Variants in ESPL1 observed in about 807,000 individuals in gnomAD.
ESPL1 encodes the protein separin.
In ESPL1, 50 loss-of-function variants were observed where a neutral mutation model predicts 217.2. The ratio of observed to expected loss-of-function variants is 0.23; its 90% confidence interval spans 0.18 to 0.29. The LOEUF (loss-of-function observed/expected upper bound fraction) is 0.29, where lower values mean the gene tolerates loss of function less well. Among genes scored for constraint, ESPL1 ranks in the 10% least tolerant of loss-of-function variants. ESPL1 has a pLI of 1.00. For missense variants in ESPL1, 1,834 were observed against 2,603.0 expected, an observed-to-expected ratio of 0.70 and a Z score of 6.43; for synonymous variants, 994 against 1,081.3, an observed-to-expected ratio of 0.92 and a Z score of 1.58.
chr12:53,280,234 C>A (rs532625766), intron 12 of ESPL1, among the ~76,000 whole-genome samples: 1 of 152,304 alleles, frequency 6.6e-6, no homozygotes, highest in East Asian at 1.9e-4. Flanking sequence ...TTCTTAACGA[C>A]CACTGGTAGG....
Position 53,276,809 on chromosome 12 carries a change from A to G in ESPL1, c.1890A>G (p.Val630=), listed in dbSNP as rs779803929. ...AGAWARATHL[V]ELAQVLCYHD... is the part of the protein sequence containing the mutation. ...CCTGGGCACGAGCCACCCACCTGGT[A>G]GAACTGGCTCAGGTGCTCTGCTACC... The change falls in exon 8 of 31, where the codon GTA becomes GTG. Residue 630 remains valine, a synonymous_variant. Transcript: ENST00000257934. 2.5e-6 allele frequency: 4 copies of G among 1,613,944 alleles called. No homozygotes were observed. The South Asian group carries it at 4.4e-5, about 18-fold the overall frequency.
At chr12:53,270,253 C>A in intron 3 of ESPL1, 125 bp from the exon 4 acceptor site, 2 of 936,814 alleles carry the variant, frequency 2.1e-6, no homozygotes, top group Non-Finnish European at 3.4e-6. Flanking sequence ...AGGGCAGTGG[C>A]CCTTCTGGAT....
chr12:53,277,988 C>T, intron 11 of ESPL1, 28 bp downstream of exon 11: 1 of 1,607,858 alleles, frequency 6.2e-7, no homozygotes, highest in African/African-American at 1.3e-5. Flanking sequence ...TGAGGGGGAC[C>T]CATATAAACA....
chr12:53,288,726 C>T (rs1209584645), intron 20 of ESPL1, 27 bp downstream of exon 20: 1 of 1,594,458 alleles, frequency 6.3e-7, no homozygotes, highest in South Asian at 1.1e-5. Flanking sequence ...TGATGTTGGT[C>T]ACTTGGAGAG....
At chr12:53,289,773 CT>C (rs1944019744) in intron 22 of ESPL1, 179 bp downstream of exon 22, 1 of 628,544 alleles carries the variant, frequency 1.6e-6, no homozygotes, top group African/African-American at 1.8e-5. Flanking sequence ...TAAACCTCAA[CT>C]TTGAATTACC....
chr12:53,282,415 G>T lies in ESPL1; in HGVS notation c.2771G>T (p.Trp924Leu). The T allele has an allele frequency of 6.2e-7, 1 of 1,614,126 alleles. No homozygotes were observed. Among genetic ancestry groups the T allele is most frequent in the Non-Finnish European group, 8.5e-7 (1 of 1,180,020 alleles). ...TCAAACAACCTCTCACACTCCCTGT[G>T]GGAGCAGCTCTGTGCCCAAGGTGAA... ...LPSNNLSHSL[W>L]EQLCAQGWQT... is the part of the protein sequence containing the mutation. Residue 924 changes from tryptophan to leucine, a missense_variant, in exon 14 of 31, where the codon TGG becomes TTG. Physicochemically the swap from Trp to Leu is moderately conservative, Grantham distance 61 (BLOSUM62 -2). Transcript: ENST00000257934. This position sits in a 1 kb window ranked among gnomAD's most constrained non-coding sequence, Gnocchi z 4.0.
rs1943628483 is a variant in ESPL1, at chr12:53,269,444, C to G, written c.502C>G (p.Arg168Gly). The G allele has an allele frequency of 6.2e-7, 1 of 1,614,056 alleles. No individual in the cohort carries two copies. The highest frequency in any genetic ancestry group is 8.5e-7 in the Non-Finnish European group (1 of 1,180,014). ...GGAACGGCGAGCTGCATTTGCAGCT[C>G]GGCTGAAGGCCTTGAGCTTCCTAGT... ...LLERRAAFAA[R>G]LKALSFLVLL... Residue 168 changes from arginine (R) to glycine (G), a missense_variant, in exon 3 of 31, where the codon CGG (arginine) becomes GGG (glycine). This residue lies in a region of ESPL1 where 746 missense variants were observed against 1,077.0 expected (regional missense o/e 0.69). Coordinates refer to ENST00000257934, the MANE Select transcript of ESPL1 (RefSeq NM_012291.5). The surrounding 1 kb of genome is among the most constrained non-coding windows in gnomAD (Gnocchi z 6.7).
intron 18 of ESPL1, 103 bp downstream of exon 18, chr12:53,287,015 G>C: frequency 8.7e-7 from 1 of 1,149,692 alleles, no homozygotes; most frequent in Non-Finnish European, 1.2e-6. Context: ...TAGCTCCCCA[G>C]GGCCTAGTGG....
In ESPL1 at chr12:53,286,854, G is replaced by C; in HGVS notation, c.4118G>C (p.Ser1373Thr). Residue 1373 changes from serine to threonine, a missense_variant, in exon 18 of 31, where the codon AGC becomes ACC. Physicochemically the swap from Ser to Thr is moderately conservative, Grantham distance 58. This residue lies in a region of ESPL1 where 681 missense variants were observed against 808.0 expected (regional missense o/e 0.84). Coordinates refer to ENST00000257934, the MANE Select transcript of ESPL1 (RefSeq NM_012291.5). The surrounding 1 kb of genome is among the most constrained non-coding windows in gnomAD (Gnocchi z 5.3). ...TVFEEVCPTE[S>T]KPEVPQAPRV... ...TTTGAGGAAGTCTGCCCTACAGAGAGCAAGCCTGAAGTACCCCAGGCCCCC... is the reference window on the plus strand; with the variant it reads ...TTTGAGGAAGTCTGCCCTACAGAGACCAAGCCTGAAGTACCCCAGGCCCCC... 1 of 1,613,854 alleles carries C rather than the reference G, an allele frequency of 6.2e-7. No homozygotes were observed. The highest frequency in any genetic ancestry group is 2.2e-5 in the East Asian group (1 of 44,876).
Position 53,276,873 on chromosome 12 carries a change from G to C in ESPL1, c.1940+14G>C. On this transcript the variant is annotated intron_variant, in intron 8 of 30. Coordinates refer to ENST00000257934, the MANE Select transcript of ESPL1 (RefSeq NM_012291.5). ...GCAGACCAACTGGTAAGGAGTAGTA[G>C]CTGCAGAGGCCACTCTTGCTCCTTG... The C allele has an allele frequency of 6.2e-7, 1 of 1,612,252 alleles. No individual in the cohort carries two copies. Among genetic ancestry groups the C allele is most frequent in the Non-Finnish European group, 8.5e-7 (1 of 1,179,078 alleles).
rs1458243427 is a variant in ESPL1, at chr12:53,270,807, C to T, written c.1369+9C>T. 7 of 1,613,940 alleles carry T rather than the reference C, an allele frequency of 4.3e-6. No individual in the cohort carries two copies. Among genetic ancestry groups the T allele is most frequent in the African/African-American group, 1.3e-5 (1 of 75,048 alleles). Reference sequence around the variant, plus strand: ...CCACATGGGGATGACCGGTTAGTGCCCTGGGTCCCAGGCACAGAGTTTGTG... The same window carrying T: ...CCACATGGGGATGACCGGTTAGTGCTCTGGGTCCCAGGCACAGAGTTTGTG... On this transcript the variant is annotated intron_variant, in intron 5 of 30. Transcript: ENST00000257934.
At position 53,290,229 on chromosome 12, in the gene ESPL1, A is replaced by G. The variant is rs769641528; in HGVS notation, c.5241+17A>G. 1 of 1,613,652 alleles carries G rather than the reference A, an allele frequency of 6.2e-7. No individual in the cohort carries two copies. Among genetic ancestry groups the G allele is most frequent in the East Asian group, 2.2e-5 (1 of 44,888 alleles). ...CAGAACAAGGTAGGATTCCTGGGCC[A>G]TGGAGCAAAGTTGGGCTGGATTGGG... On this transcript the variant is annotated intron_variant, in intron 23 of 30. Coordinates refer to ENST00000257934, the MANE Select transcript of ESPL1 (RefSeq NM_012291.5).
At position 53,290,923 on chromosome 12, in the gene ESPL1, C is replaced by T; in HGVS notation, c.5447C>T (p.Ala1816Val). Residue 1816 changes from alanine (A) to valine (V), a missense_variant, in exon 25 of 31, where the codon GCC (alanine) becomes GTC (valine). Coordinates refer to ENST00000257934, the MANE Select transcript of ESPL1 (RefSeq NM_012291.5). ...LLPSSEEPGP[A>V]QEASRLQELL... is the part of the protein sequence containing the mutation. Reference sequence around the variant, plus strand: ...CCGTCCAGTGAGGAGCCCGGCCCTGCCCAGGAGGCCTCCCGCCTACAGGAG... The same window carrying T: ...CCGTCCAGTGAGGAGCCCGGCCCTGTCCAGGAGGCCTCCCGCCTACAGGAG... 1 of 1,606,574 alleles carries T rather than the reference C, an allele frequency of 6.2e-7. No homozygotes were observed. Among genetic ancestry groups the T allele is most frequent in the Non-Finnish European group, 8.5e-7 (1 of 1,176,798 alleles).
chr12:53,290,046 T>C (rs752605035), intron 22 of ESPL1, 39 bp from the exon 23 acceptor site: 3 of 1,598,760 alleles, frequency 1.9e-6, no homozygotes, highest in Non-Finnish European at 1.7e-6. Flanking sequence ...GGGAATTCCT[T>C]TAACAGCTGA....
chr12:53,280,011 T>G, intron 12 of ESPL1, 145 bp downstream of exon 12: 1 of 913,548 alleles, frequency 1.1e-6, no homozygotes, highest in Non-Finnish European at 1.6e-6. Flanking sequence ...TGTGGAGCAG[T>G]TGGAGGCAGC....
intron 6 of ESPL1, 145 bp from the exon 7 acceptor site, chr12:53,274,672 T>C (rs1421907547): frequency 1.6e-6 from 1 of 628,886 alleles, no homozygotes; most frequent in African/African-American, 1.9e-5. Flanking sequence ...AGGTGTCTCC[T>C]GCCTTGGGTG....
At chr12:53,270,339 T>C in intron 3 of ESPL1, 39 bp from the exon 4 acceptor site, 1 of 1,423,292 alleles carries the variant, frequency 7.0e-7, no homozygotes, top group Non-Finnish European at 9.9e-7. Flanking sequence ...GCCCTCTTTA[T>C]CTCTACTCCT....
intron 11 of ESPL1, among the ~76,000 whole-genome samples, chr12:53,278,866 G>A (rs1943815977): frequency 6.6e-6 from 1 of 151,606 alleles, no homozygotes; most frequent in Admixed American, 6.6e-5. Flanking sequence ...GATTACAGGC[G>A]TGAGCCACCG....
chr12:53,268,698 C>T, intron 1 of ESPL1, 57 bp from the exon 2 acceptor site: 1 of 1,079,744 alleles, frequency 9.3e-7, no homozygotes, highest in Non-Finnish European at 1.4e-6. Context: ...CAGCCCTCTT[C>T]CCTTCCTCCA....
Sources: gnomAD v4.1 joint callset for allele counts (sites outside exome capture counted in the v4.1 genomes callset) on GRCh38, gnomAD v4.1.1 for gene constraint, gnomAD v4.1.1 regional missense constraint, Gnocchi (gnomAD v3.1) non-coding constraint, MANE v1.5 for transcripts, NCBI Gene and HGNC (gene_info 2026-07-23, HGNC 2026-07-21) for gene names.